AMOTL1: variants seen among roughly 807,000 people sequenced by gnomAD.
AMOTL1 encodes the protein angiomotin like 1.
Under a neutral mutation model 102.9 loss-of-function variants are expected in AMOTL1, and 45 were observed. That is an observed-to-expected ratio of 0.44 (90% CI 0.34 to 0.56). The LOEUF is 0.56. AMOTL1 is among the 20% of genes least tolerant of loss of function. The pLI is 0.01. For synonymous variants in AMOTL1, 481 were observed against 484.7 expected (o/e 0.99, Z 0.10); for missense variants, 1,114 against 1,225.6 (o/e 0.91, Z 1.36).
chr11:94,806,137 A>C (rs546174772), intron 3 of AMOTL1, among the ~76,000 whole-genome samples: 1 of 152,344 alleles, frequency 6.6e-6, no homozygotes, highest in Non-Finnish European at 1.5e-5. Context: ...GGGACAAGTA[A>C]AGTGGGGGCA....
At chr11:94,733,757 T>C (rs535251783) in intron 2 of AMOTL1, among the ~76,000 whole-genome samples, 6 of 152,238 alleles carry the variant, frequency 3.9e-5, no homozygotes, top group South Asian at 2.1e-4. Context: ...ATCTTAACAC[T>C]GGGTATTTTG....
At chr11:94,795,288 T>A in intron 2 of AMOTL1, 128 bp downstream of exon 2, 1 of 1,244,134 alleles carries the variant, frequency 8.0e-7, no homozygotes, top group Non-Finnish European at 1.1e-6. Context: ...ATTGGATTAT[T>A]GATTGTCTGT....
At chr11:94,776,198 G>C (rs1195842007) in intron 1 of AMOTL1, among the ~76,000 whole-genome samples, 3 of 152,228 alleles carry the variant, frequency 2.0e-5, no homozygotes, top group Admixed American at 2.0e-4. Flanking sequence ...CACATGCTCA[G>C]ATACCATTCC....
Position 94,771,267 on chromosome 11 carries a change from G to GGGC in AMOTL1, c.49+2709_49+2710insCGG, listed in dbSNP as rs1950947599. 2.1e-5 allele frequency among the ~76,000 whole-genome samples: 3 copies of GGGC among 143,192 alleles called. 1 individual carries two copies. Among genetic ancestry groups the GGGC allele is most frequent in the Non-Finnish European group, 3.1e-5 (2 of 64,724 alleles). 93.9% of individuals were successfully genotyped at this position (143,192 alleles called of 152,430 possible). ...TTTCTTTTTGGCGGGGTTGGGGGGGGGGTGCGGTGTGTGGCTATCTGCATT... is the reference window on the plus strand; with the variant it reads ...TTTCTTTTTGGCGGGGTTGGGGGGGGGGCGGTGCGGTGTGTGGCTATCTGCATT... On this transcript the variant is annotated intron_variant, in intron 1 of 12. Transcript: ENST00000433060.
intron 6 of AMOTL1, among the ~76,000 whole-genome samples, chr11:94,840,093 TGAAAGAAA>T (rs201852859): frequency 4.6e-5 from 7 of 152,120 alleles, no homozygotes; most frequent in Non-Finnish European, 8.8e-5. Context: ...TTAGAGTTAA[TGAAAGAAA>T]GAAAGAAAGA....
In AMOTL1 at chr11:94,807,300, T is replaced by C. The variant is rs147304131; in HGVS notation, c.1121+6989T>C. ...AGCTCTATATAAATAAGCGGTATTT[T>C]TATTGAGTCAACAGAATTCAAATTT... On this transcript the variant is annotated intron_variant, in intron 3 of 12. Coordinates refer to ENST00000433060, the MANE Select transcript of AMOTL1 (RefSeq NM_130847.3). Among the ~76,000 whole-genome samples, 633 of 152,276 alleles carry C rather than the reference T, an allele frequency of 4.2e-3. 12 individuals are homozygous for C. Among genetic ancestry groups the C allele is most frequent in the South Asian group, 0.035 (170 of 4,828 alleles).
chr11:94,866,264 C>A, intron 11 of AMOTL1, 96 bp downstream of exon 11: 1 of 1,242,232 alleles, frequency 8.1e-7, no homozygotes, highest in Non-Finnish European at 1.1e-6. Flanking sequence ...TGAATAGTTC[C>A]TGGTCTCAGT....
chr11:94,813,720 T>A (rs1177101744), intron 3 of AMOTL1, among the ~76,000 whole-genome samples: 3 of 152,020 alleles, frequency 2.0e-5, no homozygotes, highest in African/African-American at 7.2e-5. Flanking sequence ...ACCACAAGAG[T>A]GAAATTCACA....
intron 3 of AMOTL1, among the ~76,000 whole-genome samples, chr11:94,821,003 C>CATGG (rs1283655591): frequency 6.6e-6 from 1 of 152,156 alleles, no homozygotes; most frequent in African/African-American, 2.4e-5. Flanking sequence ...TGTACTGGTC[C>CATGG]ATGGCCCAGT....
Position 94,800,178 on chromosome 11 carries a change from C to T in AMOTL1, c.988C>T (p.His330Tyr). 2 of 1,613,970 alleles carry T rather than the reference C, an allele frequency of 1.2e-6. No individual in the cohort carries two copies. The highest frequency in any genetic ancestry group is 1.1e-5 in the South Asian group (1 of 91,086). Reference sequence around the variant, plus strand: ...GTCCCCAGTCAGCAAGACCCAGGAGCACGGACTTTTTTATGGTGACCAGCA... The same window carrying T: ...GTCCCCAGTCAGCAAGACCCAGGAGTACGGACTTTTTTATGGTGACCAGCA... ...MMSPVSKTQE[H>Y]GLFYGDQHPG... Residue 330 changes from histidine (H) to tyrosine (Y), a missense_variant, in exon 3 of 13, where the codon CAC (histidine) becomes TAC (tyrosine). His to Tyr is a moderately conservative substitution (Grantham distance 83). Coordinates refer to ENST00000433060, the MANE Select transcript of AMOTL1 (RefSeq NM_130847.3).
At chr11:94,811,552 AT>A (rs542747876) in intron 3 of AMOTL1, among the ~76,000 whole-genome samples, 12,684 of 141,168 alleles carry the variant, frequency 0.09, 1,664 homozygotes, top group African/African-American at 0.29. Context: ...TCCTTTTCCC[AT>A]TTTTTTTTTT....
chr11:94,728,865 A>G (rs944231050), intron 1 of AMOTL1: 19 of 797,854 alleles, frequency 2.4e-5, no homozygotes, highest in Non-Finnish European at 3.3e-5. Flanking sequence ...TTCTCTTCAC[A>G]AAGAGAACAT....
intron 8 of AMOTL1, among the ~76,000 whole-genome samples, chr11:94,855,978 G>A (rs955224587): frequency 2.6e-5 from 4 of 152,194 alleles, no homozygotes; most frequent in Non-Finnish European, 4.4e-5. Flanking sequence ...GCTGTGTATG[G>A]CTGACATGAG....
chr11:94,777,102 C>T (rs1024525228), intron 1 of AMOTL1, among the ~76,000 whole-genome samples: 2 of 152,114 alleles, frequency 1.3e-5, no homozygotes, highest in African/African-American at 4.8e-5. Context: ...TCTAAAAGAG[C>T]AAAGAAAATG....
chr11:94,744,462 T>A (rs943155733), intron 3 of AMOTL1, among the ~76,000 whole-genome samples: 1 of 152,144 alleles, frequency 6.6e-6, no homozygotes, highest in African/African-American at 2.4e-5. Flanking sequence ...ATTTAGGGTT[T>A]TTATGGATGT....
chr11:94,841,721 G>A (rs1265406088), intron 6 of AMOTL1, among the ~76,000 whole-genome samples: 2 of 152,186 alleles, frequency 1.3e-5, no homozygotes, highest in Admixed American at 1.3e-4. Context: ...TTTGGAAGCT[G>A]AGCTGGATGA....
At position 94,795,151 on chromosome 11, in the gene AMOTL1, G is replaced by A; in HGVS notation, c.190G>A (p.Glu64Lys). Residue 64 changes from glutamate to lysine, a missense_variant, in exon 2 of 13, where the codon GAA (glutamate) becomes AAA (lysine). Physicochemically the swap from Glu to Lys is moderately conservative, Grantham distance 56 (BLOSUM62 1). Coordinates refer to ENST00000433060, the MANE Select transcript of AMOTL1 (RefSeq NM_130847.3). ...LTVEATSSIR[E>K]KVVEDPLCNF... ...GGTGGAGGCAACCAGTAGCATCAGG[G>A]AAAAAGTTGGTAAGTCCTTTTACCG... 1.9e-6 allele frequency: 3 copies of A among 1,613,338 alleles called. No individual in the cohort carries two copies. In the East Asian group the frequency reaches 6.7e-5, roughly 36 times the overall value.
At chr11:94,782,006 T>C (rs1951122591) in intron 1 of AMOTL1, among the ~76,000 whole-genome samples, 1 of 152,230 alleles carries the variant, frequency 6.6e-6, no homozygotes, top group African/African-American at 2.4e-5. Flanking sequence ...CAGATGATTA[T>C]ATTAAATCTC....
Position 94,826,183 on chromosome 11 carries a change from C to A in AMOTL1, c.1414-3867C>A, listed in dbSNP as rs1215599205. On this transcript the variant is annotated intron_variant, in intron 4 of 12. Transcript: ENST00000433060. ...TGATGCACCCCTGTAATTCCAGCTG[C>A]CCTGGAGGCTGAGGCATGAGAATCA... Among the ~76,000 whole-genome samples, 3 of 152,122 alleles carry A rather than the reference C, an allele frequency of 2.0e-5. No homozygotes were observed. In the East Asian group the frequency reaches 5.8e-4, roughly 29 times the overall value.
Sources: gnomAD v4.1 joint callset for allele counts (sites outside exome capture counted in the v4.1 genomes callset) on GRCh38, gnomAD v4.1.1 for gene constraint, MANE v1.5 for transcripts, NCBI Gene and HGNC (gene_info 2026-07-23, HGNC 2026-07-21) for gene names.